ICA1: variants seen among roughly 807,000 people sequenced by gnomAD.
ICA1 encodes the protein 69 kDa islet cell autoantigen.
Under a neutral mutation model 71.0 loss-of-function variants are expected in ICA1, and 40 were observed. The observed-to-expected ratio is 0.56, with a 90% confidence interval of 0.44 to 0.73. The LOEUF is 0.73. ICA1 is among the 30% of genes least tolerant of loss of function. The probability of loss-of-function intolerance (pLI) is 0.00; values close to 1 mark genes in which losing one functional copy is unlikely to be tolerated. For missense variants in ICA1, 578 were observed against 576.5 expected (o/e 1.00, Z -0.03); for synonymous variants, 207 against 209.5 (o/e 0.99, Z 0.10).
chr7:8,156,780 T>C (rs2128188734), intron 8 of ICA1: 1 of 1,443,890 alleles, frequency 6.9e-7, no homozygotes, highest in Middle Eastern at 1.8e-4. Context: ...CCTTTAGCAA[T>C]GTCAAACAAG....
intron 1 of ICA1, among the ~76,000 whole-genome samples, chr7:8,261,340 GA>G (rs2128571766): frequency 6.6e-6 from 1 of 152,290 alleles, no homozygotes; most frequent in Non-Finnish European, 1.5e-5. Flanking sequence ...CGCTTTGGGG[GA>G]AAGGCAGACA....
chr7:8,161,232 A>G (rs1803672039), intron 6 of ICA1, among the ~76,000 whole-genome samples: 1 of 152,246 alleles, frequency 6.6e-6, no homozygotes, highest in Non-Finnish European at 1.5e-5. Context: ...ATGAATGCAC[A>G]TAGCATAAAG....
chr7:8,158,684 C>T, intron 6 of ICA1, 32 bp from the exon 7 acceptor site: 1 of 1,611,240 alleles, frequency 6.2e-7, no homozygotes, highest in Non-Finnish European at 8.5e-7. Context: ...TCTGAATCAC[C>T]CTAACCCTTA....
chr7:8,159,076 C>T (rs1802748965), intron 6 of ICA1, among the ~76,000 whole-genome samples: 1 of 152,162 alleles, frequency 6.6e-6, no homozygotes, highest in Non-Finnish European at 1.5e-5. Flanking sequence ...GAACATGCTA[C>T]ATTTGTTAAA....
intron 6 of ICA1, among the ~76,000 whole-genome samples, chr7:8,185,594 T>C (rs117782173): frequency 0.043 from 6,558 of 152,308 alleles, 163 homozygotes; most frequent in East Asian, 0.087. Context: ...AAGACCCTGC[T>C]GCATACTTAA....
rs1220787473 is a variant in ICA1 at position 8,128,124 on chromosome 7, G to A, written c.1079C>T (p.Ala360Val). 1.9e-6 allele frequency: 3 copies of A among 1,613,984 alleles called. No homozygotes were observed. Among genetic ancestry groups the A allele is most frequent in the African/African-American group, 2.7e-5 (2 of 74,930 alleles). Residue 360 changes from alanine to valine, a missense_variant, in exon 13 of 14, where the codon GCA becomes GTA. Coordinates refer to ENST00000402384, the MANE Select transcript of ICA1 (RefSeq NM_001136020.3). ...AGCACCTTCAGGTTCCGGGGTCCCT[G>A]CCACTGGTCCCAGGCAAGCTGATTG... ...SEEGACLGPVAGTPEPEGADK... is the reference protein window; with the variant it reads ...SEEGACLGPVVGTPEPEGADK...
chr7:8,157,425 A>G, intron 7 of ICA1: 1 of 522,318 alleles, frequency 1.9e-6, no homozygotes, highest in Non-Finnish European at 3.3e-6. Context: ...CCCAGAACTC[A>G]TGCTGCTCCC....
In ICA1 at chr7:8,168,851, C is replaced by A. The variant is rs1345153355; in HGVS notation, c.580-10199G>T. Among the ~76,000 whole-genome samples, 2 of 152,108 alleles carry A rather than the reference C, an allele frequency of 1.3e-5. 1 individual carries two copies. The highest frequency in any genetic ancestry group is 2.9e-5 in the Non-Finnish European group (2 of 67,994). ...ATTTCCTTCATTATCATATCATCAT[C>A]TTCATCATCATTACTTTTAAGCAGC... On this transcript the variant is annotated intron_variant, in intron 6 of 13. Coordinates refer to ENST00000402384, the MANE Select transcript of ICA1 (RefSeq NM_001136020.3).
chr7:8,129,929 C>T (rs887275877), intron 12 of ICA1, among the ~76,000 whole-genome samples: 61 of 140,612 alleles, frequency 4.3e-4, no homozygotes, highest in African/African-American at 1.1e-3. Context: ...GTTCAATTCC[C>T]ACCTACGAGA....
At chr7:8,114,874 A>G (rs1307834329) in intron 13 of ICA1, 1 of 152,204 alleles carries the variant, frequency 6.6e-6, no homozygotes, top group Non-Finnish European at 1.5e-5. Flanking sequence ...TTCTTCTCCA[A>G]CAGGTGGGAG....
At chr7:8,191,434 C>T (rs1785602021) in intron 6 of ICA1, among the ~76,000 whole-genome samples, 1 of 152,152 alleles carries the variant, frequency 6.6e-6, no homozygotes, top group Non-Finnish European at 1.5e-5. Context: ...TTTTCATTGT[C>T]AGTACAGTGT....
chr7:8,182,876 G>C (rs1266551943), intron 6 of ICA1, among the ~76,000 whole-genome samples: 1 of 152,110 alleles, frequency 6.6e-6, no homozygotes, highest in Non-Finnish European at 1.5e-5. Context: ...TCTCCACATG[G>C]GGAGATTATA....
intron 3 of ICA1, among the ~76,000 whole-genome samples, chr7:8,229,703 T>C (rs1799672722): frequency 6.6e-6 from 1 of 152,244 alleles, no homozygotes; most frequent in South Asian, 2.1e-4. Context: ...CATATATACT[T>C]AAAACATTAA....
chr7:8,152,026 G>A (rs531047345), intron 8 of ICA1, among the ~76,000 whole-genome samples: 1 of 152,312 alleles, frequency 6.6e-6, no homozygotes, highest in South Asian at 2.1e-4. Context: ...TAGCCCTGTT[G>A]CAGAGATGGG....
At chr7:8,198,983 T>C (rs1161485907) in intron 6 of ICA1, among the ~76,000 whole-genome samples, 2 of 152,152 alleles carry the variant, frequency 1.3e-5, no homozygotes, top group African/African-American at 4.8e-5. Context: ...CAAACAGGCA[T>C]ACAAAAAAGT....
At chr7:8,157,460 A>G (rs905111041) in intron 7 of ICA1, 5 of 457,996 alleles carry the variant, frequency 1.1e-5, no homozygotes, top group African/African-American at 6.1e-5. Flanking sequence ...TCTCCTCTCC[A>G]TTCTCTTTTT....
chr7:8,256,414 C>T (rs560284271), intron 1 of ICA1, among the ~76,000 whole-genome samples: 23 of 152,230 alleles, frequency 1.5e-4, no homozygotes, highest in East Asian at 1.2e-3. Flanking sequence ...ATTCCCTCTG[C>T]GCATGTCAGA....
At chr7:8,206,982 C>A (rs1286353275) in intron 6 of ICA1, among the ~76,000 whole-genome samples, 1 of 152,122 alleles carries the variant, frequency 6.6e-6, no homozygotes, top group Non-Finnish European at 1.5e-5. Flanking sequence ...ATGGCTGAGT[C>A]CCACTTCTAG....
At chr7:8,197,036 C>T (rs549964071) in intron 6 of ICA1, among the ~76,000 whole-genome samples, 4 of 152,054 alleles carry the variant, frequency 2.6e-5, no homozygotes, top group Admixed American at 1.3e-4. Context: ...ACAAATTACC[C>T]AGCCTTGGGT....
Sources: allele counts gnomAD v4.1 joint callset (sites outside exome capture counted in the v4.1 genomes callset), GRCh38; gene constraint gnomAD v4.1.1; transcripts MANE v1.5; gene names NCBI Gene and HGNC (gene_info 2026-07-23, HGNC 2026-07-21).